The following MARCHF1 variants were observed in gnomAD, a reference collection of about 807,000 sequenced individuals.
MARCHF1 encodes the protein membrane associated ring-CH-type finger 1.
In MARCHF1, 40 loss-of-function variants were observed where a neutral mutation model predicts 54.2. The observed-to-expected ratio is 0.74, with a 90% CI of 0.57 to 0.96. The LOEUF is 0.96. MARCHF1 is among the 40% of genes least tolerant of loss of function. The pLI is 0.00. For missense variants in MARCHF1, 586 were observed against 656.5 expected, an observed-to-expected ratio of 0.89 and a Z score of 1.17; for synonymous variants, 236 against 236.3, an observed-to-expected ratio of 1.00 and a Z score of 0.01.
At chr4:164,072,222 TA>T (rs1754882151) in intron 2 of MARCHF1, among the ~76,000 whole-genome samples, 1 of 152,170 alleles carries the variant, frequency 6.6e-6, no homozygotes, top group South Asian at 2.1e-4. Flanking sequence ...ATAACAAATA[TA>T]AAAAACATTA....
At chr4:163,662,722 G>T (rs546176517) in intron 5 of MARCHF1, among the ~76,000 whole-genome samples, 21 of 151,974 alleles carry the variant, frequency 1.4e-4, no homozygotes, top group Admixed American at 9.2e-4. Flanking sequence ...TTCCCTCTAG[G>T]GTACTCAGGC....
At chr4:164,344,958 C>G (rs979699501) in intron 1 of MARCHF1, among the ~76,000 whole-genome samples, 1 of 152,090 alleles carries the variant, frequency 6.6e-6, no homozygotes, top group African/African-American at 2.4e-5. Context: ...TTCTCTTTGG[C>G]AAATTGTAAT....
intron 4 of MARCHF1, among the ~76,000 whole-genome samples, chr4:163,776,366 A>G (rs888662123): frequency 8.6e-5 from 13 of 150,782 alleles, no homozygotes; most frequent in African/African-American, 3.2e-4. Context: ...CTCTCTATAT[A>G]TAATTTAATT....
intron 5 of MARCHF1, among the ~76,000 whole-genome samples, chr4:163,693,450 G>C (rs1477471109): frequency 6.6e-6 from 1 of 151,346 alleles, no homozygotes; most frequent in Non-Finnish European, 1.5e-5. Context: ...TAGAATGATA[G>C]AAGGTTCTGC....
intron 2 of MARCHF1, among the ~76,000 whole-genome samples, chr4:164,066,223 C>T (rs1022525262): frequency 6.6e-6 from 1 of 151,730 alleles, no homozygotes; most frequent in East Asian, 1.9e-4. Flanking sequence ...GATATAAACA[C>T]TTTTCAAAAG....
intron 5 of MARCHF1, among the ~76,000 whole-genome samples, chr4:163,622,030 C>T (rs1282421826): frequency 6.6e-6 from 1 of 152,058 alleles, no homozygotes; most frequent in Non-Finnish European, 1.5e-5. Context: ...CCCTCCCACC[C>T]CCAGCCTGAT....
At chr4:163,540,808 G>C (rs780054789) in intron 9 of MARCHF1, among the ~76,000 whole-genome samples, 3 of 152,160 alleles carry the variant, frequency 2.0e-5, no homozygotes, top group Non-Finnish European at 4.4e-5. Context: ...GATCGCTTGA[G>C]CCCAGGTGTT....
intron 1 of MARCHF1, among the ~76,000 whole-genome samples, chr4:164,271,882 T>G (rs1733753191): frequency 6.6e-6 from 1 of 152,042 alleles, no homozygotes; most frequent in Non-Finnish European, 1.5e-5. Flanking sequence ...ACTGTAATAC[T>G]TGCAACATAT....
intron 5 of MARCHF1, among the ~76,000 whole-genome samples, chr4:163,644,209 A>G (rs1742667376): frequency 1.3e-5 from 2 of 152,120 alleles, no homozygotes; most frequent in African/African-American, 2.4e-5. Context: ...AAGGTCCACC[A>G]CTCATTTTCC....
chr4:163,859,518 C>A (rs960616260), intron 3 of MARCHF1, among the ~76,000 whole-genome samples: 1 of 152,020 alleles, frequency 6.6e-6, no homozygotes, highest in Admixed American at 6.6e-5. Flanking sequence ...TGCCACCACA[C>A]CCGGGTAATT....
intron 4 of MARCHF1, among the ~76,000 whole-genome samples, chr4:163,781,256 CAGG>C (rs1747458898): frequency 1.3e-5 from 2 of 152,140 alleles, no homozygotes; most frequent in South Asian, 4.1e-4. Context: ...GAGGCTGAGG[CAGG>C]AGAATTGCTT....
In MARCHF1 at chr4:163,528,770, G is replaced by T. The variant is rs759057102; in HGVS notation, c.1616C>A (p.Pro539His). 18 of 1,612,006 alleles carry T rather than the reference G, an allele frequency of 1.1e-5. No individual in the cohort carries two copies. The highest frequency in any genetic ancestry group is 1.5e-5 in the Non-Finnish European group (18 of 1,178,758). The change falls in exon 10 of 10, where the codon CCC (proline) becomes CAC (histidine). Residue 539 changes from proline (P) to histidine (H), a missense_variant. Transcript: ENST00000514618. ...ANSLPSAEGGPPEVVSV is the reference protein window; with the variant it reads ...ANSLPSAEGGHPEVVSV ...CCATCAGACTGATACAACTTCAGGGGGGCCACCCTCTGCAGATGGCAGTGA... is the reference window on the plus strand; with the variant it reads ...CCATCAGACTGATACAACTTCAGGGTGGCCACCCTCTGCAGATGGCAGTGA...
intron 2 of MARCHF1, among the ~76,000 whole-genome samples, chr4:164,087,807 GT>G (rs10706800): frequency 0.68 from 99,480 of 147,100 alleles, 35,374 homozygotes; most frequent in Non-Finnish European, 0.81. Flanking sequence ...TTTTTTCTGT[GT>G]TTTTTTTTTT....
chr4:164,371,468 A>G (rs1388205994), intron 1 of MARCHF1, among the ~76,000 whole-genome samples: 1 of 152,252 alleles, frequency 6.6e-6, no homozygotes, highest in Non-Finnish European at 1.5e-5. Context: ...CAAGGGACAG[A>G]ATGCAAGCAA....
At chr4:164,053,862 T>C (rs1318776781) in intron 2 of MARCHF1, among the ~76,000 whole-genome samples, 1 of 152,312 alleles carries the variant, frequency 6.6e-6, no homozygotes, top group Admixed American at 6.5e-5. Context: ...GAAATAGGCA[T>C]GGGCAAGGAC....
intron 1 of MARCHF1, among the ~76,000 whole-genome samples, chr4:164,263,139 CGTGT>C (rs148563010): frequency 2.6e-4 from 38 of 148,826 alleles, no homozygotes; most frequent in African/African-American, 6.9e-4. Context: ...TGTACGCGTG[CGTGT>C]GTGTGTGTGT....
intron 1 of MARCHF1, among the ~76,000 whole-genome samples, chr4:164,199,673 CACACACACAGAGAGAG>C (rs1346961333): frequency 0.061 from 3,688 of 60,182 alleles, 65 homozygotes; most frequent in African/African-American, 0.098. Flanking sequence ...CACACACACA[CACACACACAGAGAGAG>C]AGAGAGAGAG....
chr4:164,069,662 C>T (rs910323361), intron 2 of MARCHF1, among the ~76,000 whole-genome samples: 20 of 152,224 alleles, frequency 1.3e-4, no homozygotes, highest in East Asian at 3.9e-4. Context: ...TCTTTGGACA[C>T]GCCACCTTTA....
At chr4:163,988,325 A>G (rs1426962215) in intron 3 of MARCHF1, among the ~76,000 whole-genome samples, 176 bp downstream of exon 3, 1 of 152,194 alleles carries the variant, frequency 6.6e-6, no homozygotes, top group South Asian at 2.1e-4. Context: ...CACAAAATAG[A>G]GGTGAAGTTT....
Sources: allele counts gnomAD v4.1 joint callset (sites outside exome capture counted in the v4.1 genomes callset), GRCh38; gene constraint gnomAD v4.1.1; transcripts MANE v1.5; gene names NCBI Gene and HGNC (gene_info 2026-07-23, HGNC 2026-07-21).